NRG1: variants seen among roughly 807,000 people sequenced by gnomAD.
NRG1 encodes pro-neuregulin-1, membrane-bound isoform.
In NRG1, 18 loss-of-function variants were observed where a neutral mutation model predicts 63.8. The ratio of observed to expected loss-of-function variants is 0.28; its 90% confidence interval spans 0.19 to 0.42. NRG1 has a LOEUF of 0.42. Among genes scored for constraint, NRG1 ranks in the 10% least tolerant of loss-of-function variants. The pLI, the probability that NRG1 is intolerant of heterozygous loss-of-function variation, is 1.00. For missense variants in NRG1, 762 were observed against 814.7 expected, an observed-to-expected ratio of 0.94 and a Z score of 0.79; for synonymous variants, 302 against 301.3, an observed-to-expected ratio of 1.00 and a Z score of -0.02.
chr8:32,138,783 T>C (rs370583790), intron 1 of NRG1, among the ~76,000 whole-genome samples: 15 of 152,010 alleles, frequency 9.9e-5, no homozygotes, highest in African/African-American at 3.6e-4. Flanking sequence ...GGCCAGGCTG[T>C]TTTCAATGTT....
At chr8:31,744,249 A>T (rs905138651) in intron 1 of NRG1, among the ~76,000 whole-genome samples, 1 of 152,000 alleles carries the variant, frequency 6.6e-6, no homozygotes, top group Non-Finnish European at 1.5e-5. Flanking sequence ...TAATGAAGAG[A>T]TCCTCTATCT....
At chr8:31,873,141 A>G (rs552152244) in intron 1 of NRG1, among the ~76,000 whole-genome samples, 9 of 152,212 alleles carry the variant, frequency 5.9e-5, no homozygotes, top group Non-Finnish European at 1.2e-4. Flanking sequence ...TTTAGATTAG[A>G]GACACGAAAT....
Position 32,133,220 on chromosome 8 carries a change from TTG to T in NRG1, c.38-462602_38-462601del, listed in dbSNP as rs1488212161. On this transcript the variant is annotated intron_variant, in intron 1 of 10. Coordinates refer to the NRG1 transcript ENST00000519301. ...CAGGAAAAAGAATTCATATACGCAT[TTG>T]TGTGTTAGAATCAGTGGTGTGCTGG... 2.0e-5 allele frequency among the ~76,000 whole-genome samples: 3 copies of T among 152,146 alleles called. No homozygotes were observed. The East Asian group carries it at 5.8e-4, about 29-fold the overall frequency.
At chr8:32,084,236 G>T (rs1227944044) in intron 1 of NRG1, among the ~76,000 whole-genome samples, 2 of 152,016 alleles carry the variant, frequency 1.3e-5, no homozygotes, top group Non-Finnish European at 2.9e-5. Flanking sequence ...CTTATTAAAG[G>T]CTTTCATTAT....
In NRG1 at chr8:32,592,779, A is replaced by C. The variant is rs1335203259; in HGVS notation, c.101-3049A>C. Among the ~76,000 whole-genome samples the C allele has an allele frequency of 2.0e-5, 3 of 152,162 alleles. No homozygotes were observed. The East Asian group carries it at 5.8e-4, about 29-fold the overall frequency. On this transcript the variant is annotated intron_variant, in intron 1 of 11. Transcript: ENST00000356819. ...GAAACATGGTCCTTAAAGAGAAGGT[A>C]TCTGAAGTATAGTTGACACTCAGAC...
At chr8:31,781,739 A>C (rs1399781591) in intron 1 of NRG1, among the ~76,000 whole-genome samples, 1 of 152,076 alleles carries the variant, frequency 6.6e-6, no homozygotes, top group Non-Finnish European at 1.5e-5. Flanking sequence ...CCAGTTTAGT[A>C]TGTTTCCTGC....
chr8:31,748,260 C>A (rs1816094705), intron 1 of NRG1, among the ~76,000 whole-genome samples: 1 of 151,854 alleles, frequency 6.6e-6, no homozygotes, highest in Non-Finnish European at 1.5e-5. Context: ...TTAGTATATT[C>A]CAGGCACTAT....
chr8:32,094,708 C>T (rs1315328150), intron 1 of NRG1, among the ~76,000 whole-genome samples: 2 of 152,044 alleles, frequency 1.3e-5, no homozygotes, highest in African/African-American at 4.8e-5. Flanking sequence ...GTCTCCCACC[C>T]TATCCTTTGG....
At chr8:31,655,121 G>A (rs1805303003) in intron 1 of NRG1, among the ~76,000 whole-genome samples, 1 of 152,110 alleles carries the variant, frequency 6.6e-6, no homozygotes, top group Non-Finnish European at 1.5e-5. Flanking sequence ...CTAAACAAAT[G>A]TAGGTGGCTA....
At chr8:32,314,910 T>A (rs1296302942) in intron 1 of NRG1, among the ~76,000 whole-genome samples, 1 of 152,142 alleles carries the variant, frequency 6.6e-6, no homozygotes, top group African/African-American at 2.4e-5. Flanking sequence ...TTCTGCTCCC[T>A]CTGTTAGGGG....
chr8:31,956,105 C>A (rs1804353521), intron 1 of NRG1, among the ~76,000 whole-genome samples: 1 of 151,598 alleles, frequency 6.6e-6, no homozygotes. Flanking sequence ...ATAGCTTCAT[C>A]TTATGCATTA....
intron 1 of NRG1, among the ~76,000 whole-genome samples, chr8:31,771,039 T>C (rs536461936): frequency 6.6e-6 from 1 of 152,240 alleles, no homozygotes; most frequent in African/African-American, 2.4e-5. Flanking sequence ...TTATAGCATA[T>C]GGTTCACTGA....
At chr8:32,138,419 A>G (rs992215117) in intron 1 of NRG1, among the ~76,000 whole-genome samples, 1 of 151,864 alleles carries the variant, frequency 6.6e-6, no homozygotes, top group African/African-American at 2.4e-5. Flanking sequence ...TTAGGATTTC[A>G]TGTCAAAGAC....
Position 31,640,227 on chromosome 8 carries a change from G to T in NRG1, c.37+796G>T. 2 of 1,160,664 alleles carry T rather than the reference G, an allele frequency of 1.7e-6. No homozygotes were observed. The highest frequency in any genetic ancestry group is 2.1e-6 in the Non-Finnish European group (2 of 942,044). 71.9% of individuals were successfully genotyped at this position (1,160,664 alleles called of 1,614,324 possible). On this transcript the variant is annotated intron_variant, in intron 1 of 10. Coordinates refer to the NRG1 transcript ENST00000519301. This position sits in a 1 kb window ranked among gnomAD's most constrained non-coding sequence, Gnocchi z 6.3. ...AGGAGCTAGCTCAGCGCGCCGCGGT[G>T]GTGATCGAGGGAAAGGTGCACCCGC...
At chr8:31,663,410 C>A (rs2130951023) in intron 1 of NRG1, among the ~76,000 whole-genome samples, 1 of 152,152 alleles carries the variant, frequency 6.6e-6, no homozygotes, top group South Asian at 2.1e-4. Context: ...GAATCAACAC[C>A]CTTCCTCCTG....
intron 1 of NRG1, among the ~76,000 whole-genome samples, chr8:32,161,845 A>G (rs1441020729): frequency 1.2e-4 from 18 of 152,150 alleles, no homozygotes; most frequent in Admixed American, 1.2e-3. Context: ...GTGAGAGAAA[A>G]AAGCATGTAC....
chr8:31,961,577 G>T (rs1452758656), intron 1 of NRG1, among the ~76,000 whole-genome samples: 2 of 152,142 alleles, frequency 1.3e-5, no homozygotes, highest in East Asian at 3.8e-4. Flanking sequence ...AAGATGTAGG[G>T]TTGTATCACT....
chr8:31,658,923 C>T (rs904310646), intron 1 of NRG1, among the ~76,000 whole-genome samples: 3 of 152,140 alleles, frequency 2.0e-5, no homozygotes, highest in East Asian at 1.9e-4. Flanking sequence ...AGGAACCCAG[C>T]GGTTCTCCTA....
At chr8:32,590,428 G>A (rs1033215679) in intron 1 of NRG1, among the ~76,000 whole-genome samples, 11 of 152,072 alleles carry the variant, frequency 7.2e-5, no homozygotes, top group African/African-American at 2.2e-4. Flanking sequence ...TAAGATTCTC[G>A]GAACACCTCC....
Sources: gnomAD v4.1 joint callset for allele counts (sites outside exome capture counted in the v4.1 genomes callset) on GRCh38, gnomAD v4.1.1 for gene constraint, Gnocchi (gnomAD v3.1) non-coding constraint, MANE v1.5 for transcripts, NCBI Gene and HGNC (gene_info 2026-07-23, HGNC 2026-07-21) for gene names.